The following SPATA16 variants were observed in gnomAD, a reference collection of about 807,000 sequenced individuals.
SPATA16 encodes spermatogenesis-associated protein 16.
In SPATA16, 36 loss-of-function variants were observed where a neutral mutation model predicts 63.3. The ratio of observed to expected loss-of-function variants is 0.57; its 90% CI spans 0.44 to 0.75. SPATA16 has a LOEUF of 0.75. Among genes scored for constraint, SPATA16 ranks in the 30% least tolerant of loss-of-function variants. The pLI, the probability that SPATA16 is intolerant of heterozygous loss-of-function variation, is 0.00. For missense variants in SPATA16, 646 were observed against 679.3 expected (o/e 0.95, Z 0.54); for synonymous variants, 203 against 216.7 (o/e 0.94, Z 0.56).
Position 172,982,007 on chromosome 3 carries a change from G to C in SPATA16, c.849-4955C>G, listed in dbSNP as rs1577117647. 2.6e-5 allele frequency among the ~76,000 whole-genome samples: 4 copies of C among 152,270 alleles called. No individual in the cohort carries two copies. The South Asian group carries it at 8.3e-4, about 32-fold the overall frequency. On this transcript the variant is annotated intron_variant, in intron 4 of 10. Transcript: ENST00000351008. ...CTCTACTGGAATATAAGGTCCCCAAGGGCAGAGATTTTTGTCTGTTTTATT... is the reference window on the plus strand; with the variant it reads ...CTCTACTGGAATATAAGGTCCCCAACGGCAGAGATTTTTGTCTGTTTTATT...
intron 8 of SPATA16, among the ~76,000 whole-genome samples, chr3:172,923,332 C>G (rs936807898): frequency 6.6e-6 from 1 of 152,146 alleles, no homozygotes; most frequent in Non-Finnish European, 1.5e-5. Context: ...GCAAATCGTG[C>G]AAACAGATTA....
intron 4 of SPATA16, among the ~76,000 whole-genome samples, chr3:172,999,500 A>G (rs1734769022): frequency 1.3e-5 from 2 of 151,290 alleles, no homozygotes; most frequent in Non-Finnish European, 2.9e-5. Context: ...TGTAACCTCT[A>G]CCTCCCTGGT....
intron 3 of SPATA16, among the ~76,000 whole-genome samples, chr3:173,042,597 G>A (rs1735869038): frequency 6.6e-6 from 1 of 152,114 alleles, no homozygotes; most frequent in South Asian, 2.1e-4. Flanking sequence ...GTTATTGGTG[G>A]TGGGATTACA....
intron 6 of SPATA16, among the ~76,000 whole-genome samples, chr3:172,950,959 G>T (rs11920356): frequency 0.088 from 13,307 of 151,834 alleles, 1,947 homozygotes; most frequent in African/African-American, 0.3. Flanking sequence ...CAGGATATGC[G>T]GATTGTATTA....
chr3:173,029,221 A>G (rs1490925223), intron 3 of SPATA16, among the ~76,000 whole-genome samples: 1 of 152,002 alleles, frequency 6.6e-6, no homozygotes, highest in East Asian at 1.9e-4. Context: ...AATGACTTTC[A>G]AGTATATTCA....
chr3:172,988,890 C>T (rs1341492714), intron 4 of SPATA16, among the ~76,000 whole-genome samples: 3 of 152,078 alleles, frequency 2.0e-5, no homozygotes, highest in Admixed American at 1.3e-4. Flanking sequence ...CACCTGGCTC[C>T]GCTTCCCAAA....
chr3:172,889,978 T>C (rs1487047195), intron 10 of SPATA16, among the ~76,000 whole-genome samples: 4 of 152,200 alleles, frequency 2.6e-5, no homozygotes, highest in African/African-American at 7.2e-5. Context: ...CAGTTTTTAA[T>C]GGTCAGTAAA....
At chr3:173,108,913 A>C (rs1737682953) in intron 2 of SPATA16, among the ~76,000 whole-genome samples, 1 of 152,154 alleles carries the variant, frequency 6.6e-6, no homozygotes, top group East Asian at 1.9e-4. Flanking sequence ...ACGCTAGTGT[A>C]AGTGCAGTCT....
intron 6 of SPATA16, among the ~76,000 whole-genome samples, chr3:172,935,896 T>A (rs1732980346): frequency 6.6e-6 from 1 of 152,134 alleles, no homozygotes; most frequent in Non-Finnish European, 1.5e-5. Context: ...GGTAACATTC[T>A]ATGGTATGGA....
chr3:173,038,801 C>T (rs1735774998), intron 3 of SPATA16, among the ~76,000 whole-genome samples: 1 of 152,122 alleles, frequency 6.6e-6, no homozygotes, highest in Non-Finnish European at 1.5e-5. Flanking sequence ...ACAAGGGTGA[C>T]ATTAAGGCTG....
chr3:173,078,966 T>G (rs1390250467), intron 2 of SPATA16, among the ~76,000 whole-genome samples: 2 of 152,208 alleles, frequency 1.3e-5, no homozygotes, highest in African/African-American at 4.8e-5. Context: ...TTTCATCCAT[T>G]ATGGTACACT....
chr3:173,027,024 A>G (rs1297771827), intron 3 of SPATA16, among the ~76,000 whole-genome samples: 2 of 151,938 alleles, frequency 1.3e-5, no homozygotes, highest in African/African-American at 4.8e-5. Context: ...TCTTAATAAT[A>G]TTGAGTCATC....
At chr3:173,067,973 G>A (rs1736563370) in intron 2 of SPATA16, among the ~76,000 whole-genome samples, 1 of 152,172 alleles carries the variant, frequency 6.6e-6, no homozygotes, top group Non-Finnish European at 1.5e-5. Context: ...AAGTGCTGAA[G>A]GAAAATAACT....
chr3:173,095,507 C>T (rs1223974489), intron 2 of SPATA16, among the ~76,000 whole-genome samples: 1 of 151,980 alleles, frequency 6.6e-6, no homozygotes, highest in Admixed American at 6.6e-5. Context: ...TACAGTATTA[C>T]CAGAGATATT....
intron 3 of SPATA16, among the ~76,000 whole-genome samples, chr3:173,035,658 T>C (rs1735700311): frequency 6.6e-6 from 1 of 152,062 alleles, no homozygotes; most frequent in African/African-American, 2.4e-5. Flanking sequence ...GCAACTATTC[T>C]GATGAAAAAT....
chr3:172,992,670 A>C (rs1734606284), intron 4 of SPATA16, among the ~76,000 whole-genome samples: 1 of 152,064 alleles, frequency 6.6e-6, no homozygotes, highest in Non-Finnish European at 1.5e-5. Context: ...GTTGATGGTG[A>C]CCCTGTTAAT....
chr3:172,956,616 C>A (rs1311289069), intron 6 of SPATA16, 61 bp downstream of exon 6: 9 of 1,550,984 alleles, frequency 5.8e-6, no homozygotes. Flanking sequence ...CAGAAAGAAC[C>A]CTGTATTTGT....
At chr3:173,089,019 T>A (rs1737156249) in intron 2 of SPATA16, among the ~76,000 whole-genome samples, 1 of 152,136 alleles carries the variant, frequency 6.6e-6, no homozygotes, top group East Asian at 1.9e-4. Context: ...TGAACTGAAT[T>A]CCCTTTCCTG....
chr3:173,113,333 A>G (rs764069289), intron 2 of SPATA16, among the ~76,000 whole-genome samples: 4 of 152,232 alleles, frequency 2.6e-5, no homozygotes, highest in Non-Finnish European at 5.9e-5. Context: ...TGGTGTGAAT[A>G]CAAACATAAG....
Sources: gnomAD v4.1 joint callset for allele counts (sites outside exome capture counted in the v4.1 genomes callset) on GRCh38, gnomAD v4.1.1 for gene constraint, MANE v1.5 for transcripts, NCBI Gene and HGNC (gene_info 2026-07-23, HGNC 2026-07-21) for gene names.